Variants in GNAL observed in about 807,000 individuals in gnomAD.
The protein encoded by GNAL is G protein subunit alpha L, also known as guanine nucleotide-binding protein G(olf) subunit alpha.
In GNAL, 18 loss-of-function variants were observed where a neutral mutation model predicts 55.1. That is an observed-to-expected ratio of 0.33 (90% CI 0.23 to 0.48). The LOEUF (loss-of-function observed/expected upper bound fraction) is 0.48. Ranked by LOEUF, GNAL falls within the 20% of genes least tolerant of loss-of-function variation. The probability of loss-of-function intolerance (pLI) is 0.99; values close to 1 mark genes in which losing one functional copy is unlikely to be tolerated. For missense variants in GNAL, 412 were observed against 614.1 expected (o/e 0.67, Z 3.48); for synonymous variants, 253 against 237.0 (o/e 1.07, Z -0.62).
chr18:11,713,889 TG>T (rs1286458633), intron 1 of GNAL, among the ~76,000 whole-genome samples: 3 of 152,168 alleles, frequency 2.0e-5, no homozygotes, highest in Non-Finnish European at 4.4e-5. Flanking sequence ...GTCTGGTGAT[TG>T]GGGTCTCCTG....
intron 5 of GNAL, among the ~76,000 whole-genome samples, chr18:11,846,604 C>G (rs955900303): frequency 8.6e-5 from 13 of 151,798 alleles, no homozygotes; most frequent in Non-Finnish European, 4.4e-5. Flanking sequence ...GTAGCTGGGA[C>G]TACAGGCACA....
chr18:11,714,175 C>T (rs1477781846), intron 1 of GNAL, among the ~76,000 whole-genome samples: 1 of 152,194 alleles, frequency 6.6e-6, no homozygotes, highest in Non-Finnish European at 1.5e-5. Context: ...CTGCCATATT[C>T]CATCAGTGAA....
At chr18:11,844,295 G>A (rs535001511) in intron 5 of GNAL, among the ~76,000 whole-genome samples, 4 of 151,744 alleles carry the variant, frequency 2.6e-5, no homozygotes, top group Admixed American at 6.6e-5. Context: ...TTAGCTGGGC[G>A]TGGTGGCGGG....
At chr18:11,706,292 ATATC>A (rs532790356) in intron 1 of GNAL, among the ~76,000 whole-genome samples, 211 of 152,156 alleles carry the variant, frequency 1.4e-3, no homozygotes, top group African/African-American at 4.8e-3. Flanking sequence ...ATACTATACT[ATATC>A]TATTAAATGT....
chr18:11,879,354 A>G (rs887956582), intron 11 of GNAL, among the ~76,000 whole-genome samples: 1 of 152,086 alleles, frequency 6.6e-6, no homozygotes, highest in Non-Finnish European at 1.5e-5. Flanking sequence ...CGTGGCACCA[A>G]GGAAGAAGGT....
chr18:11,871,204 G>A (rs2036388538), intron 9 of GNAL, among the ~76,000 whole-genome samples: 1 of 150,550 alleles, frequency 6.6e-6, no homozygotes, highest in African/African-American at 2.4e-5. Context: ...AAGCAGGTAA[G>A]CTATTTCCAT....
At chr18:11,776,048 A>G (rs2033773495) in intron 4 of GNAL, among the ~76,000 whole-genome samples, 2 of 152,304 alleles carry the variant, frequency 1.3e-5, no homozygotes, top group African/African-American at 2.4e-5. Context: ...TCGCCCCTCC[A>G]TTGTCATCCA....
At chr18:11,844,426 C>T (rs1201791053) in intron 5 of GNAL, among the ~76,000 whole-genome samples, 1 of 152,144 alleles carries the variant, frequency 6.6e-6, no homozygotes, top group Admixed American at 6.5e-5. Flanking sequence ...AAGAGCGAAA[C>T]TCTATCTCAA....
intron 1 of GNAL, among the ~76,000 whole-genome samples, chr18:11,745,218 C>T (rs1346512484): frequency 1.3e-5 from 2 of 152,164 alleles, no homozygotes; most frequent in Non-Finnish European, 2.9e-5. Context: ...CTTGGCCTGT[C>T]GTGAACTGAA....
intron 4 of GNAL, among the ~76,000 whole-genome samples, chr18:11,822,820 CTTTTTTTTTTTTTT>C (rs56128456): frequency 2.1e-5 from 3 of 139,708 alleles, no homozygotes; most frequent in Non-Finnish European, 3.1e-5. Flanking sequence ...TTTTTTTTTT[CTTTTTTTTTTTTTT>C]TTTTTGACCA....
chr18:11,830,377 C>G (rs1190253137), intron 5 of GNAL, among the ~76,000 whole-genome samples: 2 of 151,398 alleles, frequency 1.3e-5, no homozygotes, highest in Non-Finnish European at 2.9e-5. Flanking sequence ...ACCTCCACCT[C>G]CCGGGTTCAA....
At chr18:11,709,130 C>A (rs532470797) in intron 1 of GNAL, among the ~76,000 whole-genome samples, 14 of 152,252 alleles carry the variant, frequency 9.2e-5, no homozygotes, top group African/African-American at 2.6e-4. Flanking sequence ...GGATTTATTT[C>A]TGGACTCTCT....
At chr18:11,735,846 G>A (rs568815650) in intron 1 of GNAL, among the ~76,000 whole-genome samples, 101 of 152,052 alleles carry the variant, frequency 6.6e-4, no homozygotes, top group African/African-American at 2.4e-3. Context: ...AAAAATGCAA[G>A]GTCACAGTAA....
rs1269090306 is a variant in GNAL at position 11,797,298 on chromosome 18, T to G, written c.625-27620T>G. Among the ~76,000 whole-genome samples the G allele has an allele frequency of 2.6e-5, 4 of 152,364 alleles. No individual in the cohort carries two copies. In the East Asian group the frequency reaches 7.7e-4, roughly 29 times the overall value. On this transcript the variant is annotated intron_variant, in intron 4 of 11. Coordinates refer to ENST00000334049, the MANE Select transcript of GNAL (RefSeq NM_182978.4). ...ATGTTGCTATATTGTTTCTTTGGAC[T>G]GACTTAATTTTAAATCTTTTTTATG...
intron 11 of GNAL, among the ~76,000 whole-genome samples, chr18:11,880,055 A>G (rs9303753): frequency 0.67 from 100,711 of 150,220 alleles, 34,220 homozygotes; most frequent in East Asian, 0.79. Context: ...TCAGGAGTTC[A>G]AGACCAGCCT....
At chr18:11,741,635 T>C (rs1237085645) in intron 1 of GNAL, among the ~76,000 whole-genome samples, 1 of 152,162 alleles carries the variant, frequency 6.6e-6, no homozygotes, top group African/African-American at 2.4e-5. Context: ...CAAAGAATGC[T>C]TTATGATGAA....
At chr18:11,870,498 G>A (rs1370176953) in intron 9 of GNAL, among the ~76,000 whole-genome samples, 1 of 152,016 alleles carries the variant, frequency 6.6e-6, no homozygotes, top group East Asian at 1.9e-4. Context: ...TCCAGCCTGG[G>A]CAACAGAGTG....
intron 1 of GNAL, among the ~76,000 whole-genome samples, chr18:11,725,425 A>C (rs1015134381): frequency 6.6e-6 from 1 of 152,222 alleles, no homozygotes; most frequent in Admixed American, 6.5e-5. Flanking sequence ...TCTAAGCTCC[A>C]AAATTGTGAG....
chr18:11,804,969 G>A (rs1396529029), intron 4 of GNAL, among the ~76,000 whole-genome samples: 11 of 139,416 alleles, frequency 7.9e-5, no homozygotes, highest in South Asian at 2.5e-4. Context: ...TGCAGTTTGA[G>A]TGGAACATGG....
Sources: allele counts gnomAD v4.1 joint callset (sites outside exome capture counted in the v4.1 genomes callset), GRCh38; gene constraint gnomAD v4.1.1; transcripts MANE v1.5; gene names NCBI Gene and HGNC (gene_info 2026-07-23, HGNC 2026-07-21).